Variants in ACVR1B observed in about 807,000 individuals in gnomAD.
ACVR1B encodes the protein activin A receptor type 1B.
In ACVR1B, 15 loss-of-function variants were observed where a neutral mutation model predicts 55.6. The observed-to-expected ratio is 0.27, with a 90% CI of 0.18 to 0.42. The LOEUF is 0.42. ACVR1B is among the 10% of genes least tolerant of loss of function. ACVR1B has a pLI of 1.00. For missense variants in ACVR1B, 359 were observed against 670.1 expected (o/e 0.54, Z 5.13); for synonymous variants, 247 against 254.6 (o/e 0.97, Z 0.28).
chr12:51,992,664 A>G (rs898195481), intron 8 of ACVR1B, among the ~76,000 whole-genome samples: 4 of 152,214 alleles, frequency 2.6e-5, no homozygotes, highest in Admixed American at 2.0e-4. Flanking sequence ...TGTCCATAAG[A>G]GAAGCCCTGA....
At chr12:51,972,071 G>T (rs1046040268) in intron 1 of ACVR1B, among the ~76,000 whole-genome samples, 6 of 151,994 alleles carry the variant, frequency 3.9e-5, no homozygotes, top group African/African-American at 1.5e-4. Flanking sequence ...ATTGAGGGGG[G>T]GATTAATATT....
At chr12:51,952,904 G>A (rs1398514569) in intron 1 of ACVR1B, among the ~76,000 whole-genome samples, 1 of 151,294 alleles carries the variant, frequency 6.6e-6, no homozygotes, top group Admixed American at 6.6e-5. Context: ...TGTAGAAGCG[G>A]GTACCTTTTT....
At position 51,986,897 on chromosome 12, in the gene ACVR1B, C is replaced by T; in HGVS notation, c.1216C>T (p.Leu406Phe). 1 of 1,614,214 alleles carries T rather than the reference C, an allele frequency of 6.2e-7. No individual in the cohort carries two copies. Among genetic ancestry groups the T allele is most frequent in the Non-Finnish European group, 8.5e-7 (1 of 1,180,044 alleles). ...DSFKCADIYA[L>F]GLVYWEIARR... The stretch of plus-strand genomic sequence containing the variant: ...CTTTAAATGTGCTGATATTTATGCC[C>T]TCGGGCTTGTATATTGGGAGATTGC... The change falls in exon 7 of 9, where the codon CTC becomes TTC. Residue 406 changes from leucine to phenylalanine, a missense_variant. Leu to Phe is a conservative substitution (Grantham distance 22). Coordinates refer to ENST00000257963, the MANE Select transcript of ACVR1B (RefSeq NM_004302.5).
chr12:51,986,814 G>A lies in ACVR1B; in HGVS notation c.1137-4G>A. On this transcript the variant is annotated splice_region_variant and splice_polypyrimidine_tract_variant and intron_variant, in intron 6 of 8. Transcript: ENST00000257963. ...GCGTGACCATGTTTGTTTTGCTATT[G>A]CAGATACATGGCCCCTGAAGTACTT... The A allele has an allele frequency of 6.2e-7, 1 of 1,607,244 alleles. No individual in the cohort carries two copies. Among genetic ancestry groups the A allele is most frequent in the Non-Finnish European group, 8.5e-7 (1 of 1,175,780 alleles).
intron 7 of ACVR1B, among the ~76,000 whole-genome samples, chr12:51,991,158 AAAT>A (rs1447428378): frequency 3.3e-5 from 5 of 152,328 alleles, no homozygotes; most frequent in Admixed American, 1.3e-4. Flanking sequence ...CCATTTTTCA[AAAT>A]AATGAGGTGG....
At chr12:51,990,307 T>G (rs1334542827) in intron 7 of ACVR1B, among the ~76,000 whole-genome samples, 2 of 132,850 alleles carry the variant, frequency 1.5e-5, no homozygotes, top group African/African-American at 2.8e-5. Context: ...CACACAAATT[T>G]AGTGCTTTTT....
rs10128797 is a variant in ACVR1B at position 51,976,123 on chromosome 12, A to C, written c.332-204A>C. On this transcript the variant is annotated intron_variant, in intron 2 of 8. Transcript: ENST00000257963. Reference sequence around the variant, plus strand: ...AAGTGGGTTGTGGGTTTGACTGTGGAAAGAGGTGCCTTAACTAAAGAAGTT... The same window carrying C: ...AAGTGGGTTGTGGGTTTGACTGTGGCAAGAGGTGCCTTAACTAAAGAAGTT... 5.2e-3 allele frequency among the ~76,000 whole-genome samples: 787 copies of C among 151,962 alleles called. 6 individuals are homozygous for C. The highest frequency in any genetic ancestry group is 0.018 in the African/African-American group (745 of 41,372).
At chr12:51,971,284 C>A (rs1351646481) in intron 1 of ACVR1B, among the ~76,000 whole-genome samples, 2 of 152,242 alleles carry the variant, frequency 1.3e-5, no homozygotes, top group Non-Finnish European at 2.9e-5. Context: ...TACTTTGGAA[C>A]CGTGTTCAAA....
intron 1 of ACVR1B, among the ~76,000 whole-genome samples, chr12:51,955,127 T>C (rs1185388673): frequency 6.6e-6 from 1 of 152,214 alleles, no homozygotes; most frequent in Non-Finnish European, 1.5e-5. Flanking sequence ...TGGGTATGTT[T>C]ATGGCACTAT....
intron 4 of ACVR1B, among the ~76,000 whole-genome samples, chr12:51,981,451 C>G (rs1409344370): frequency 6.6e-6 from 1 of 152,170 alleles, no homozygotes; most frequent in Non-Finnish European, 1.5e-5. Flanking sequence ...ACCCCCTCAC[C>G]CTACCTGCTC....
chr12:51,996,974 A>T lies in ACVR1B; in HGVS notation c.*2864A>T, dbSNP rs1942310811. ...AGCCACTTAGACACTTTACCTCTTCAGTATGCAAATGTAAATAAATTGTAA... is the reference window on the plus strand; with the variant it reads ...AGCCACTTAGACACTTTACCTCTTCTGTATGCAAATGTAAATAAATTGTAA... On this transcript the variant is annotated 3_prime_UTR_variant, in exon 9 of 9. Transcript: ENST00000257963. 6.5e-6 allele frequency: 1 copy of T among 152,678 alleles called. No individual in the cohort carries two copies. The highest frequency in any genetic ancestry group is 2.4e-5 in the African/African-American group (1 of 41,462). 9.5% of individuals were successfully genotyped at this position (152,678 alleles called of 1,614,324 possible). A position where few individuals can be genotyped will look rare whatever the true frequency, so the allele number is the denominator to read the frequency against.
intron 7 of ACVR1B, among the ~76,000 whole-genome samples, chr12:51,989,368 T>A (rs1012229344): frequency 5.3e-5 from 8 of 151,978 alleles, no homozygotes; most frequent in Admixed American, 3.3e-4. Flanking sequence ...CACTGCAACC[T>A]CCGCCTCCTG....
intron 4 of ACVR1B, 48 bp from the exon 5 acceptor site, chr12:51,983,951 T>G (rs1565620187): frequency 1.2e-6 from 2 of 1,604,522 alleles, no homozygotes; most frequent in Non-Finnish European, 1.7e-6. Context: ...CTTCACTGTT[T>G]TGCTGATAGT....
intron 1 of ACVR1B, among the ~76,000 whole-genome samples, chr12:51,967,281 T>C (rs1001306372): frequency 1.4e-5 from 2 of 142,834 alleles, no homozygotes; most frequent in African/African-American, 2.6e-5. Context: ...ACATTAAAGG[T>C]GGTGCGGTGG....
chr12:51,989,939 C>T (rs532657301), intron 7 of ACVR1B, among the ~76,000 whole-genome samples: 3 of 151,914 alleles, frequency 2.0e-5, no homozygotes, highest in East Asian at 1.9e-4. Flanking sequence ...AAGCCGAGAT[C>T]GTGCCACTGC....
chr12:51,974,520 T>C (rs1408467236), intron 1 of ACVR1B, among the ~76,000 whole-genome samples: 1 of 152,198 alleles, frequency 6.6e-6, no homozygotes, highest in Admixed American at 6.5e-5. Context: ...TGTGTGTGTG[T>C]GTGCGCGCGC....
intron 3 of ACVR1B, among the ~76,000 whole-genome samples, chr12:51,980,702 A>T (rs908414392): frequency 1.3e-5 from 2 of 152,206 alleles, no homozygotes; most frequent in African/African-American, 2.4e-5. Context: ...ATCCGTGCTT[A>T]CTGAGAGGAG....
chr12:51,983,156 C>T (rs1236114752), intron 4 of ACVR1B, among the ~76,000 whole-genome samples: 1 of 152,212 alleles, frequency 6.6e-6, no homozygotes, highest in African/African-American at 2.4e-5. Context: ...CTGGAATCAG[C>T]GCCAGCCTGG....
rs531140203 is a variant in ACVR1B at position 51,995,241 on chromosome 12, T to C, written c.*1131T>C. On this transcript the variant is annotated 3_prime_UTR_variant, in exon 9 of 9. Coordinates refer to ENST00000257963, the MANE Select transcript of ACVR1B (RefSeq NM_004302.5). The stretch of plus-strand genomic sequence containing the variant: ...ATCTCCCAGATCCTGGAAACAGCAG[T>C]GTATATTTTTGGTGGTGGTGGGTTT... 3 of 144,342 alleles carry C rather than the reference T, an allele frequency of 2.1e-5. No homozygotes were observed. The highest frequency in any genetic ancestry group is 7.4e-5 in the Admixed American group (1 of 13,604). The allele number at this position is 144,342 out of a possible 1,614,324, so 8.9% of individuals were successfully genotyped here. A position where few individuals can be genotyped will look rare whatever the true frequency, so the allele number is the denominator to read the frequency against.
Sources: allele counts gnomAD v4.1 joint callset (sites outside exome capture counted in the v4.1 genomes callset), GRCh38; gene constraint gnomAD v4.1.1; transcripts MANE v1.5; gene names NCBI Gene and HGNC (gene_info 2026-07-23, HGNC 2026-07-21).